Variants in CSMD1 observed in about 807,000 individuals in gnomAD.
The protein encoded by CSMD1 is CUB and sushi domain-containing protein 1.
In CSMD1, 213 loss-of-function variants were observed where a neutral mutation model predicts 417.5. The observed-to-expected ratio is 0.51, with a 90% CI of 0.46 to 0.57. CSMD1 has a LOEUF of 0.57. Among genes scored for constraint, CSMD1 ranks in the 20% least tolerant of loss-of-function variants. CSMD1 has a pLI of 0.00. For missense variants in CSMD1, 6,923 were observed against 4,529.7 expected (o/e 1.53, Z -15.17); for synonymous variants, 2,862 against 1,736.8 (o/e 1.65, Z -16.11).
At chr8:4,083,257 C>T (rs187386866) in intron 3 of CSMD1, among the ~76,000 whole-genome samples, 6 of 152,134 alleles carry the variant, frequency 3.9e-5, no homozygotes, top group Admixed American at 3.9e-4. Context: ...CTTATTTCTC[C>T]ACAACCTCTC....
intron 8 of CSMD1, among the ~76,000 whole-genome samples, chr8:3,598,050 T>C (rs947355672): frequency 6.6e-6 from 1 of 152,236 alleles, no homozygotes; most frequent in African/African-American, 2.4e-5. Context: ...AATAAAACAC[T>C]TTCTTCTTAA....
chr8:4,170,268 C>T (rs1194254327), intron 3 of CSMD1, among the ~76,000 whole-genome samples: 3 of 151,754 alleles, frequency 2.0e-5, no homozygotes, highest in Admixed American at 2.0e-4. Flanking sequence ...TACCCCCTTG[C>T]CTTGGGTAGA....
At chr8:4,466,646 A>T (rs570056904) in intron 2 of CSMD1, among the ~76,000 whole-genome samples, 8 of 152,112 alleles carry the variant, frequency 5.3e-5, no homozygotes, top group Non-Finnish European at 1.0e-4. Flanking sequence ...TAAATGTTTA[A>T]TTTTTCAGAA....
chr8:3,003,997 C>T lies in CSMD1; in HGVS notation c.8030-3866G>A, dbSNP rs531998906. The stretch of plus-strand genomic sequence containing the variant: ...TACATAGTAGGTGTCAGCCCCACTG[C>T]GTGACTCTGCCACTATTTGAAGATA... On this transcript the variant is annotated intron_variant, in intron 52 of 69. Coordinates refer to ENST00000635120, the MANE Select transcript of CSMD1 (RefSeq NM_033225.6). 3.9e-5 allele frequency among the ~76,000 whole-genome samples: 6 copies of T among 152,262 alleles called. No individual in the cohort carries two copies. In the South Asian group the frequency reaches 6.2e-4, roughly 16 times the overall value.
chr8:4,880,582 T>C (rs1247526924), intron 1 of CSMD1, among the ~76,000 whole-genome samples: 1 of 152,126 alleles, frequency 6.6e-6, no homozygotes, highest in Non-Finnish European at 1.5e-5. Flanking sequence ...ACACACTTCC[T>C]GTGTTCTCAA....
intron 11 of CSMD1, among the ~76,000 whole-genome samples, chr8:3,487,035 CA>C (rs1020224176): frequency 6.6e-6 from 1 of 152,108 alleles, no homozygotes; most frequent in African/African-American, 2.4e-5. Flanking sequence ...GAAGGTGACA[CA>C]AAAGCACTTA....
intron 10 of CSMD1, among the ~76,000 whole-genome samples, chr8:3,535,193 A>T (rs1798144323): frequency 6.6e-6 from 1 of 151,942 alleles, no homozygotes; most frequent in African/African-American, 2.4e-5. Flanking sequence ...GCCTGAAATG[A>T]TCCTTCTGTT....
At chr8:3,276,052 T>A (rs1802264490) in intron 26 of CSMD1, among the ~76,000 whole-genome samples, 1 of 152,190 alleles carries the variant, frequency 6.6e-6, no homozygotes. Flanking sequence ...TTCCCCATCT[T>A]TGTGGTTTTA....
chr8:3,457,000 TC>T (rs1025932744), intron 12 of CSMD1, among the ~76,000 whole-genome samples: 1 of 151,720 alleles, frequency 6.6e-6, no homozygotes, highest in African/African-American at 2.4e-5. Flanking sequence ...CATTTTGTAC[TC>T]CTTCCCTTGC....
intron 3 of CSMD1, among the ~76,000 whole-genome samples, chr8:4,254,560 G>C (rs979991906): frequency 6.6e-6 from 1 of 152,146 alleles, no homozygotes; most frequent in Non-Finnish European, 1.5e-5. Flanking sequence ...GTAGTGTACA[G>C]TCATGTCCTA....
intron 10 of CSMD1, among the ~76,000 whole-genome samples, chr8:3,555,274 G>C (rs989585863): frequency 6.6e-6 from 1 of 152,092 alleles, no homozygotes; most frequent in Admixed American, 6.5e-5. Flanking sequence ...GAAGCCAATG[G>C]GATGATTTAG....
At chr8:4,771,468 G>A (rs1444927747) in intron 1 of CSMD1, among the ~76,000 whole-genome samples, 1 of 152,186 alleles carries the variant, frequency 6.6e-6, no homozygotes, top group South Asian at 2.1e-4. Context: ...TCCTCCGTGC[G>A]AAGCTCAGTC....
intron 2 of CSMD1, among the ~76,000 whole-genome samples, chr8:4,601,042 C>T (rs1585313217): frequency 6.6e-6 from 1 of 151,570 alleles, no homozygotes; most frequent in South Asian, 2.1e-4. Context: ...CTGCAACCTC[C>T]GTCTCCCAGG....
At chr8:4,195,750 C>G (rs1799299409) in intron 3 of CSMD1, among the ~76,000 whole-genome samples, 1 of 152,152 alleles carries the variant, frequency 6.6e-6, no homozygotes, top group Non-Finnish European at 1.5e-5. Context: ...GCTCTCCGTG[C>G]TCATGCCAGG....
intron 7 of CSMD1, among the ~76,000 whole-genome samples, chr8:3,652,254 A>C (rs1454776114): frequency 6.7e-6 from 1 of 150,284 alleles, no homozygotes; most frequent in Non-Finnish European, 1.5e-5. Flanking sequence ...ACGTCATTGC[A>C]CTTACCACCA....
At chr8:4,760,241 G>A (rs900032946) in intron 1 of CSMD1, among the ~76,000 whole-genome samples, 1 of 152,130 alleles carries the variant, frequency 6.6e-6, no homozygotes, top group African/African-American at 2.4e-5. Flanking sequence ...ACTATTTTTA[G>A]AGTACTATTT....
At chr8:4,384,473 C>G (rs926322629) in intron 3 of CSMD1, among the ~76,000 whole-genome samples, 2 of 152,184 alleles carry the variant, frequency 1.3e-5, no homozygotes, top group East Asian at 1.9e-4. Context: ...CTTCTTCTAT[C>G]TACTATCTAT....
chr8:4,866,158 G>C (rs1802408831), intron 1 of CSMD1, among the ~76,000 whole-genome samples: 1 of 151,904 alleles, frequency 6.6e-6, no homozygotes, highest in African/African-American at 2.4e-5. Context: ...CAAAGTTTAT[G>C]ACATCTGTTT....
At chr8:4,135,342 GAA>G (rs1803357992) in intron 3 of CSMD1, among the ~76,000 whole-genome samples, 1 of 140,080 alleles carries the variant, frequency 7.1e-6, no homozygotes. Flanking sequence ...GGGAAAGAAG[GAA>G]GGAAGGGAAA....
Sources: allele counts gnomAD v4.1 joint callset (sites outside exome capture counted in the v4.1 genomes callset), GRCh38; gene constraint gnomAD v4.1.1; transcripts MANE v1.5; gene names NCBI Gene and HGNC (gene_info 2026-07-23, HGNC 2026-07-21).